Variants in SHLD2 observed in about 807,000 individuals in gnomAD.
The protein encoded by SHLD2 is RINN1-REV7-interacting novel NHEJ regulator 2.
A neutral mutation model predicts 73.2 loss-of-function variants in SHLD2; 30 were observed. That is an observed-to-expected ratio of 0.41 (90% CI 0.31 to 0.56). The LOEUF is 0.56. SHLD2 is among the 20% of genes least tolerant of loss of function. The pLI is 0.28. For missense variants in SHLD2, 745 were observed against 1,055.9 expected (o/e 0.71, Z 4.08); for synonymous variants, 285 against 370.1 (o/e 0.77, Z 2.64).
At chr10:87,099,559 C>G (rs1287995703) in intron 2 of SHLD2, among the ~76,000 whole-genome samples, 3 of 152,198 alleles carry the variant, frequency 2.0e-5, no homozygotes, top group African/African-American at 7.2e-5. Flanking sequence ...AAAATCTATT[C>G]ATCATTGATG....
intron 2 of SHLD2, among the ~76,000 whole-genome samples, chr10:87,100,686 C>A (rs1300439860): frequency 6.6e-6 from 1 of 152,000 alleles, no homozygotes; most frequent in Non-Finnish European, 1.5e-5. Flanking sequence ...TCATGTTAGT[C>A]AGGCTGATCT....
At position 87,140,011 on chromosome 10, in the gene SHLD2, A is replaced by T. The variant is rs541567132; in HGVS notation, c.-5-11339A>T. On this transcript the variant is annotated intron_variant, in intron 2 of 9. Coordinates refer to ENST00000298786, the MANE Select transcript of SHLD2 (RefSeq NM_001330112.2). ...GAAGCACAAAGAGAAAAAAAATACT[A>T]GAACAAAGTTAATAGAACATCAGTA... Among the ~76,000 whole-genome samples, 315 of 152,356 alleles carry T rather than the reference A, an allele frequency of 2.1e-3. 1 individual carries two copies. Among genetic ancestry groups the T allele is most frequent in the African/African-American group, 7.2e-3 (301 of 41,570 alleles).
At chr10:87,169,612 C>T (rs999418571) in intron 4 of SHLD2, among the ~76,000 whole-genome samples, 16 of 151,924 alleles carry the variant, frequency 1.1e-4, no homozygotes, top group South Asian at 4.2e-4. Flanking sequence ...GTGTTTATTG[C>T]CAATATCTTA....
chr10:87,159,859 CTT>C (rs1200671229), intron 4 of SHLD2, among the ~76,000 whole-genome samples: 1 of 152,022 alleles, frequency 6.6e-6, no homozygotes, highest in Non-Finnish European at 1.5e-5. Flanking sequence ...TTTTAGATAT[CTT>C]TGAGATATTC....
chr10:87,099,478 T>C (rs1238005478), intron 2 of SHLD2, among the ~76,000 whole-genome samples: 1 of 152,254 alleles, frequency 6.6e-6, no homozygotes, highest in Non-Finnish European at 1.5e-5. Flanking sequence ...TTTATGCGTG[T>C]AGCATGTATC....
At chr10:87,153,206 T>C (rs1846138989) in intron 3 of SHLD2, among the ~76,000 whole-genome samples, 1 of 152,150 alleles carries the variant, frequency 6.6e-6, no homozygotes, top group South Asian at 2.1e-4. Flanking sequence ...GAAGATTGCT[T>C]GAGGCCAGGA....
intron 7 of SHLD2, 65 bp downstream of exon 7, chr10:87,176,160 T>C: frequency 6.5e-7 from 1 of 1,543,658 alleles, no homozygotes. Flanking sequence ...CTTGCTCTGT[T>C]GCTCAGGCTG....
intron 3 of SHLD2, chr10:87,153,922 A>G (rs1846190721): frequency 1.3e-5 from 2 of 152,148 alleles, no homozygotes; most frequent in Admixed American, 6.5e-5. Flanking sequence ...ATTTATTTTT[A>G]AGAGACAGAG....
At chr10:87,102,088 T>C (rs1248405483) in intron 2 of SHLD2, among the ~76,000 whole-genome samples, 2 of 152,210 alleles carry the variant, frequency 1.3e-5, no homozygotes, top group Admixed American at 1.3e-4. Context: ...TAGTTTTCAA[T>C]GTTGCATAGT....
At chr10:87,096,140 C>T (rs1482387607) in intron 1 of SHLD2, among the ~76,000 whole-genome samples, 1 of 151,274 alleles carries the variant, frequency 6.6e-6, no homozygotes, top group African/African-American at 2.4e-5. Flanking sequence ...TCCCTGGGTT[C>T]GTTCTAGCGA....
At chr10:87,104,465 T>G (rs1451810624) in intron 2 of SHLD2, among the ~76,000 whole-genome samples, 1 of 151,050 alleles carries the variant, frequency 6.6e-6, no homozygotes, top group Non-Finnish European at 1.5e-5. Flanking sequence ...GAGAATCGCT[T>G]GAACCCGGGA....
At chr10:87,174,898 G>T (rs1277571504) in intron 6 of SHLD2, among the ~76,000 whole-genome samples, 1 of 151,998 alleles carries the variant, frequency 6.6e-6, no homozygotes, top group South Asian at 2.1e-4. Flanking sequence ...GGCGGATCAT[G>T]AGGTCAGGAG....
intron 3 of SHLD2, among the ~76,000 whole-genome samples, chr10:87,153,510 G>A (rs957864187): frequency 1.3e-5 from 2 of 152,090 alleles, no homozygotes; most frequent in African/African-American, 2.4e-5. Flanking sequence ...ATTACACTTG[G>A]AAATATGGAA....
At position 87,165,867 on chromosome 10, in the gene SHLD2, ACT is replaced by A. The variant is rs557314123; in HGVS notation, c.1634-4608_1634-4607del. ...TCGACATAGTGAGGAATATAAGGTA[ACT>A]CTGTACTATTTTTGCAACTTTTTTG... On this transcript the variant is annotated intron_variant, in intron 4 of 9. Coordinates refer to ENST00000298786, the MANE Select transcript of SHLD2 (RefSeq NM_001330112.2). Among the ~76,000 whole-genome samples the A allele has an allele frequency of 3.8e-3, 582 of 152,312 alleles. 4 individuals are homozygous for A. The highest frequency in any genetic ancestry group is 0.013 in the African/African-American group (536 of 41,560).
chr10:87,133,960 A>G (rs1021502696), intron 2 of SHLD2, among the ~76,000 whole-genome samples: 1 of 152,218 alleles, frequency 6.6e-6, no homozygotes, highest in African/African-American at 2.4e-5. Context: ...TGTGGAGGAG[A>G]CAGTTAAACA....
chr10:87,112,034 G>A (rs923440596), intron 2 of SHLD2, among the ~76,000 whole-genome samples: 1 of 151,286 alleles, frequency 6.6e-6, no homozygotes, highest in Non-Finnish European at 1.5e-5. Context: ...TCAGGAGATC[G>A]AGACCATCCT....
At chr10:87,099,494 C>G (rs953856961) in intron 2 of SHLD2, among the ~76,000 whole-genome samples, 1 of 152,152 alleles carries the variant, frequency 6.6e-6, no homozygotes, top group South Asian at 2.1e-4. Flanking sequence ...GTATCAGGTA[C>G]TTCATTTCTT....
Position 87,151,640 on chromosome 10 carries a change from G to C in SHLD2, c.286G>C (p.Val96Leu), listed in dbSNP as rs1356236499. Reference protein sequence around the residue: ...VHVKDDFVRSVSETQNIESQK... With the variant: ...VHVKDDFVRSLSETQNIESQK... ...TGTGAAAGATGACTTTGTACGTTCT[G>C]TTTCTGAAACACAGAATATAGAATC... Residue 96 changes from valine (V) to leucine (L), a missense_variant, in exon 3 of 10, where the codon GTT becomes CTT. Transcript: ENST00000298786. The C allele has an allele frequency of 6.2e-7, 1 of 1,611,842 alleles. No individual in the cohort carries two copies. Among genetic ancestry groups the C allele is most frequent in the Middle Eastern group, 2.3e-4 (1 of 4,428 alleles).
chr10:87,100,489 T>G (rs1303992009), intron 2 of SHLD2, among the ~76,000 whole-genome samples: 1 of 152,002 alleles, frequency 6.6e-6, no homozygotes, highest in Non-Finnish European at 1.5e-5. Context: ...GTTTTTTTTT[T>G]TTTTTCGAAA....
Sources: allele counts gnomAD v4.1 joint callset (sites outside exome capture counted in the v4.1 genomes callset), GRCh38; gene constraint gnomAD v4.1.1; transcripts MANE v1.5; gene names NCBI Gene and HGNC (gene_info 2026-07-23, HGNC 2026-07-21).